ZNF831: variants seen among roughly 807,000 people sequenced by gnomAD.
The protein encoded by ZNF831 is chromosome 20 open reading frame 174.
A neutral mutation model predicts 95.8 loss-of-function variants in ZNF831; 59 were observed. The ratio of observed to expected loss-of-function variants is 0.62; its 90% CI spans 0.50 to 0.77. ZNF831 has a LOEUF of 0.77. Ranked by LOEUF, ZNF831 falls within the 30% of genes least tolerant of loss-of-function variation. ZNF831 has a pLI of 0.00. For missense variants in ZNF831, 2,205 were observed against 2,164.0 expected (o/e 1.02, Z -0.38); for synonymous variants, 961 against 925.5 (o/e 1.04, Z -0.70).
In ZNF831 at chr20:59,169,623, C is replaced by T. The variant is rs952604646; in HGVS notation, c.-37+5416C>T. On this transcript the variant is annotated intron_variant, in intron 1 of 5. Transcript: ENST00000371030. The surrounding 1 kb of genome is among the most constrained non-coding windows in gnomAD (Gnocchi z 4.1). ...TCTACTAAAAATACAAAAATTAGCC[C>T]GGTGTGGTGGTGCGCACCTGTAATC... Among the ~76,000 whole-genome samples, 2 of 151,750 alleles carry T rather than the reference C, an allele frequency of 1.3e-5. No individual in the cohort carries two copies. The highest frequency in any genetic ancestry group is 6.6e-5 in the Admixed American group (1 of 15,222).
At chr20:59,136,074 G>A (rs1979500872) in intron 1 of ZNF831, among the ~76,000 whole-genome samples, 1 of 152,174 alleles carries the variant, frequency 6.6e-6, no homozygotes, top group Admixed American at 6.5e-5. Flanking sequence ...CACGTGGTTG[G>A]GGGACTGAGG....
chr20:59,153,497 C>A (rs1273350585), intron 2 of ZNF831, among the ~76,000 whole-genome samples: 1 of 152,236 alleles, frequency 6.6e-6, no homozygotes, highest in Non-Finnish European at 1.5e-5. Flanking sequence ...GCACACAGGG[C>A]CAAGCGCTTA....
chr20:59,152,916 G>A (rs1329046109), intron 2 of ZNF831, among the ~76,000 whole-genome samples: 2 of 152,174 alleles, frequency 1.3e-5, no homozygotes, highest in African/African-American at 2.4e-5. Context: ...CAAGAGTGAC[G>A]AGGCTACTAC....
rs2146553516 is a variant in ZNF831, at chr20:59,191,777, C to A, written c.758C>A (p.Pro253His). ...ERPLSPGAHV[P>H]LLAKNLDVRT... ...CCCCTTTCTCCGGGTGCCCACGTGC[C>A]CCTACTTGCCAAGAACCTGGATGTG... The change falls in exon 2 of 6, where the codon CCC (proline) becomes CAC (histidine). Residue 253 changes from proline to histidine, a missense_variant. Pro to His is a moderately conservative substitution (Grantham distance 77). Coordinates refer to ENST00000371030, the MANE Select transcript of ZNF831 (RefSeq NM_178457.3). The A allele has an allele frequency of 1.2e-6, 2 of 1,611,902 alleles. No individual in the cohort carries two copies. The highest frequency in any genetic ancestry group is 1.7e-6 in the Non-Finnish European group (2 of 1,179,242).
intron 1 of ZNF831, among the ~76,000 whole-genome samples, chr20:59,177,522 T>C (rs1464217186): frequency 3.3e-5 from 5 of 152,124 alleles, no homozygotes; most frequent in African/African-American, 1.2e-4. Flanking sequence ...CACCACTAGG[T>C]TCCCATGTTA....
rs765482514 is a variant in ZNF831, at chr20:59,191,978, C to A, written c.959C>A (p.Ala320Glu). 6.2e-7 allele frequency: 1 copy of A among 1,605,964 alleles called. No individual in the cohort carries two copies. Among genetic ancestry groups the A allele is most frequent in the South Asian group, 1.1e-5 (1 of 90,692 alleles). The change falls in exon 2 of 6, where the codon GCG (alanine) becomes GAG (glutamate). Residue 320 changes from alanine (A) to glutamate (E), a missense_variant. Ala to Glu is a moderately radical substitution (Grantham distance 107, BLOSUM62 -1). Coordinates refer to ENST00000371030, the MANE Select transcript of ZNF831 (RefSeq NM_178457.3). ...CCGTGCGCCCTGCAGCGGCAGCAGG[C>A]GACGGCAGCGGAGAAGCCCTGGGAT... ...GKPCALQRQQ[A>E]TAAEKPWDAK...
Position 59,194,299 on chromosome 20 carries a change from C to T in ZNF831, c.3280C>T (p.Leu1094=), listed in dbSNP as rs1983890694. ...LARARLSGDV[L]NPWVPNWELG... ...AAGGGCCAGGCTCTCTGGGGATGTC[C>T]TGAATCCCTGGGTACCCAACTGGGA... Residue 1094 remains leucine, a synonymous_variant, in exon 2 of 6, where the codon CTG becomes TTG. Coordinates refer to ENST00000371030, the MANE Select transcript of ZNF831 (RefSeq NM_178457.3). The T allele has an allele frequency of 6.2e-7, 1 of 1,613,938 alleles. No homozygotes were observed. Among genetic ancestry groups the T allele is most frequent in the South Asian group, 1.1e-5 (1 of 91,088 alleles).
chr20:59,199,992 T>C (rs1984410951), intron 3 of ZNF831, among the ~76,000 whole-genome samples: 1 of 152,180 alleles, frequency 6.6e-6, no homozygotes, highest in African/African-American at 2.4e-5. Context: ...CAATTCTAGG[T>C]TGACTGTTAT....
intron 1 of ZNF831, among the ~76,000 whole-genome samples, chr20:59,126,446 G>C (rs772267604): frequency 1.3e-5 from 2 of 152,174 alleles, no homozygotes; most frequent in Non-Finnish European, 2.9e-5. Flanking sequence ...CTGAGGCTCT[G>C]TTCCTTAACA....
At chr20:59,223,738 G>A (rs547056422) in intron 4 of ZNF831, among the ~76,000 whole-genome samples, 2 of 152,332 alleles carry the variant, frequency 1.3e-5, no homozygotes, top group South Asian at 4.1e-4. Context: ...CAGCTGGCTG[G>A]TATTCATCTA....
At chr20:59,183,898 C>T (rs910277529) in intron 1 of ZNF831, among the ~76,000 whole-genome samples, 2 of 152,146 alleles carry the variant, frequency 1.3e-5, no homozygotes, top group African/African-American at 2.4e-5. Flanking sequence ...CACTGAGAGA[C>T]ACCAAAGTCC....
rs1217412500 is a variant in ZNF831 at position 59,217,170 on chromosome 20, G to A, written c.4027+10114G>A. ...CTGACAGATCTTCATCTCTGTGTGT[G>A]TGTGTGTGTGTGTGTGTGTGTGTGT... On this transcript the variant is annotated intron_variant, in intron 4 of 5. Coordinates refer to ENST00000371030, the MANE Select transcript of ZNF831 (RefSeq NM_178457.3). The surrounding 1 kb of genome is among the most constrained non-coding windows in gnomAD (Gnocchi z 4.4). 1.3e-5 allele frequency among the ~76,000 whole-genome samples: 2 copies of A among 151,452 alleles called. No homozygotes were observed. The highest frequency in any genetic ancestry group is 3.9e-4 in the East Asian group (2 of 5,176).
chr20:59,222,104 C>T (rs538199911), intron 4 of ZNF831, among the ~76,000 whole-genome samples: 250 of 152,328 alleles, frequency 1.6e-3, no homozygotes, highest in African/African-American at 5.7e-3. Context: ...TGTCTCCCAG[C>T]TTATCAATCT....
chr20:59,135,034 C>A (rs958245905), intron 1 of ZNF831, among the ~76,000 whole-genome samples: 1 of 152,126 alleles, frequency 6.6e-6, no homozygotes, highest in African/African-American at 2.4e-5. Flanking sequence ...GCTACCCCAG[C>A]AGTCCTCTTT....
In ZNF831 at chr20:59,128,992, G is replaced by C. The variant is rs375137506; in HGVS notation, c.-1425+5487G>C. ...TTGGCCAGGCTAGTCTCGAACTCCTGACCTCAGGTGATCCGCCAGCCTTGG... is the reference window on the plus strand; with the variant it reads ...TTGGCCAGGCTAGTCTCGAACTCCTCACCTCAGGTGATCCGCCAGCCTTGG... On this transcript the variant is annotated intron_variant, in intron 1 of 7. Transcript: ENST00000637017. 2.3e-3 allele frequency among the ~76,000 whole-genome samples: 353 copies of C among 152,262 alleles called. 1 individual carries two copies. Among genetic ancestry groups the C allele is most frequent in the African/African-American group, 8.0e-3 (333 of 41,568 alleles).
At chr20:59,126,423 G>A (rs1419725247) in intron 1 of ZNF831, among the ~76,000 whole-genome samples, 2 of 152,212 alleles carry the variant, frequency 1.3e-5, no homozygotes, top group Non-Finnish European at 2.9e-5. Flanking sequence ...GGAGCTTGTG[G>A]GAAATGCAGA....
rs201506746 is a variant in ZNF831, at chr20:59,172,493, G to A, written c.-37+8286G>A. On this transcript the variant is annotated intron_variant, in intron 1 of 5. Coordinates refer to ENST00000371030, the MANE Select transcript of ZNF831 (RefSeq NM_178457.3). ...TCCCCTCATTAATGCATTTCTCAGC[G>A]CCCTCCTGAAGAGGGGCCTTCTGGG... Among the ~76,000 whole-genome samples, 8 of 152,198 alleles carry A rather than the reference G, an allele frequency of 5.3e-5. No individual in the cohort carries two copies. The East Asian group carries it at 7.7e-4, about 15-fold the overall frequency.
At chr20:59,179,522 G>C (rs748034342) in intron 1 of ZNF831, among the ~76,000 whole-genome samples, 1 of 151,956 alleles carries the variant, frequency 6.6e-6, no homozygotes, top group African/African-American at 2.4e-5. Context: ...TAGAGGGAGG[G>C]GCCACCCTCC....
At chr20:59,129,520 G>A (rs920232946) in intron 1 of ZNF831, among the ~76,000 whole-genome samples, 5 of 152,200 alleles carry the variant, frequency 3.3e-5, no homozygotes, top group Non-Finnish European at 2.9e-5. Context: ...CTACTCAGGA[G>A]GCTGAGGCAG....
Sources: gnomAD v4.1 joint callset for allele counts (sites outside exome capture counted in the v4.1 genomes callset) on GRCh38, gnomAD v4.1.1 for gene constraint, Gnocchi (gnomAD v3.1) non-coding constraint, MANE v1.5 for transcripts, NCBI Gene and HGNC (gene_info 2026-07-23, HGNC 2026-07-21) for gene names.